The following DLC1 variants were observed in gnomAD, a reference collection of about 807,000 sequenced individuals.
The protein encoded by DLC1 is DLC1 Rho GTPase activating protein, also known as rho GTPase-activating protein 7.
A neutral mutation model predicts 140.3 loss-of-function variants in DLC1; 54 were observed. The observed-to-expected ratio is 0.38, with a 90% CI of 0.31 to 0.48. DLC1 has a LOEUF of 0.48. Ranked by LOEUF, DLC1 falls within the 20% of genes least tolerant of loss-of-function variation. The probability of loss-of-function intolerance (pLI) is 0.96; values close to 1 mark genes in which losing one functional copy is unlikely to be tolerated. For missense variants in DLC1, 2,536 were observed against 1,907.0 expected (o/e 1.33, Z -6.14); for synonymous variants, 986 against 728.1 (o/e 1.35, Z -5.70).
At chr8:13,509,151 A>G (rs1191208181) in intron 1 of DLC1, among the ~76,000 whole-genome samples, 1 of 152,230 alleles carries the variant, frequency 6.6e-6, no homozygotes, top group African/African-American at 2.4e-5. Context: ...CATCATGGTG[A>G]GATGCGGTTT....
chr8:13,131,313 T>C (rs1022551237), intron 5 of DLC1, among the ~76,000 whole-genome samples: 6 of 152,086 alleles, frequency 3.9e-5, no homozygotes, highest in African/African-American at 1.4e-4. Flanking sequence ...ACTATTATTT[T>C]CCCTCATCCC....
At chr8:13,371,155 C>T (rs1835706122) in intron 4 of DLC1, among the ~76,000 whole-genome samples, 1 of 152,076 alleles carries the variant, frequency 6.6e-6, no homozygotes, top group African/African-American at 2.4e-5. Context: ...TGTCTTTACT[C>T]TGTTTATCCA....
intron 7 of DLC1, among the ~76,000 whole-genome samples, chr8:13,107,128 G>A (rs867301571): frequency 3.3e-5 from 5 of 152,334 alleles, no homozygotes; most frequent in Middle Eastern, 3.4e-3. Flanking sequence ...CAGTGTGAAT[G>A]TAAAAATGCT....
chr8:13,125,165 C>T (rs1292104576), intron 5 of DLC1, among the ~76,000 whole-genome samples: 2 of 152,080 alleles, frequency 1.3e-5, no homozygotes, highest in African/African-American at 2.4e-5. Flanking sequence ...TTAGTAGAGA[C>T]GGGGTTTCGC....
intron 5 of DLC1, among the ~76,000 whole-genome samples, chr8:13,181,263 C>G (rs1038171507): frequency 7.2e-5 from 11 of 152,016 alleles, no homozygotes; most frequent in Non-Finnish European, 1.6e-4. Flanking sequence ...TGGCTGCTGC[C>G]TCAGCCTTCA....
chr8:13,405,691 T>A (rs1047459811), intron 2 of DLC1, among the ~76,000 whole-genome samples: 1 of 152,126 alleles, frequency 6.6e-6, no homozygotes, highest in African/African-American at 2.4e-5. Context: ...TGCATCCTGG[T>A]TTTTCTTCCT....
chr8:13,238,571 T>C (rs1361617492), intron 5 of DLC1, among the ~76,000 whole-genome samples: 2 of 86,138 alleles, frequency 2.3e-5, no homozygotes, highest in African/African-American at 4.7e-5. Context: ...CCTGTGGGTG[T>C]GTGCCTTAGG....
chr8:13,557,673 T>G (rs1804095683), intron 1 of DLC1: 1 of 152,408 alleles, frequency 6.6e-6, no homozygotes, highest in Non-Finnish European at 1.5e-5. Flanking sequence ...CTGTTACCCC[T>G]TCACCTTCTG....
chr8:13,189,951 GAGA>G (rs1300003168), intron 5 of DLC1, among the ~76,000 whole-genome samples: 1 of 151,774 alleles, frequency 6.6e-6, no homozygotes, highest in Admixed American at 6.6e-5. Context: ...AGCCAGGTGA[GAGA>G]GAGCCCAGCG....
At chr8:13,574,501 A>G (rs1407335377) in intron 1 of DLC1, among the ~76,000 whole-genome samples, 2 of 152,158 alleles carry the variant, frequency 1.3e-5, no homozygotes, top group Non-Finnish European at 2.9e-5. Flanking sequence ...TAGAAAGCTC[A>G]TCAGATGAGG....
intron 4 of DLC1, among the ~76,000 whole-genome samples, chr8:13,319,731 C>CGGG (rs1265680719): frequency 6.7e-6 from 1 of 150,052 alleles, no homozygotes; most frequent in East Asian, 2.0e-4. Context: ...TACCCAGTAT[C>CGGG]GGGTAGTTCT....
intron 4 of DLC1, among the ~76,000 whole-genome samples, chr8:13,333,543 G>C (rs1729105): frequency 0.86 from 130,255 of 152,136 alleles, 56,176 homozygotes; most frequent in East Asian, 0.95. Context: ...AACGATCATG[G>C]CTGGCAAAAA....
intron 5 of DLC1, among the ~76,000 whole-genome samples, chr8:13,230,247 C>A (rs924864844): frequency 2.0e-5 from 3 of 152,130 alleles, no homozygotes; most frequent in Non-Finnish European, 4.4e-5. Flanking sequence ...TTCATAAATA[C>A]CTTGTTCAAG....
intron 4 of DLC1, among the ~76,000 whole-genome samples, chr8:13,343,110 G>A (rs1431954381): frequency 9.2e-5 from 14 of 152,168 alleles, no homozygotes; most frequent in Non-Finnish European, 2.1e-4. Context: ...TTGTGAAACA[G>A]GCGCACTTGT....
chr8:13,427,962 G>A (rs960548977), intron 2 of DLC1, among the ~76,000 whole-genome samples: 2 of 152,162 alleles, frequency 1.3e-5, no homozygotes, highest in Admixed American at 6.5e-5. Context: ...CATCTGGCCA[G>A]AAATCCAGTT....
intron 2 of DLC1, among the ~76,000 whole-genome samples, chr8:13,459,631 C>T (rs1041106710): frequency 2.6e-5 from 4 of 152,128 alleles, no homozygotes; most frequent in Non-Finnish European, 5.9e-5. Context: ...CCCAGTTCTG[C>T]CACTCCAGCA....
At chr8:13,549,919 G>A (rs1803786816) in intron 1 of DLC1, among the ~76,000 whole-genome samples, 1 of 152,166 alleles carries the variant, frequency 6.6e-6, no homozygotes, top group East Asian at 1.9e-4. Context: ...CAAACTACAC[G>A]TGAATAGGCA....
At chr8:13,259,070 G>C (rs1199620630) in intron 5 of DLC1, among the ~76,000 whole-genome samples, 3 of 150,360 alleles carry the variant, frequency 2.0e-5, no homozygotes, top group Non-Finnish European at 3.0e-5. Flanking sequence ...CCGGGAGGCG[G>C]AGGTTGCAGT....
intron 1 of DLC1, among the ~76,000 whole-genome samples, chr8:13,551,500 A>T (rs1489073556): frequency 6.6e-6 from 1 of 152,020 alleles, no homozygotes; most frequent in Non-Finnish European, 1.5e-5. Context: ...CCTCTTTCAC[A>T]ATAGCATTTT....
Sources: gnomAD v4.1 joint callset for allele counts (sites outside exome capture counted in the v4.1 genomes callset) on GRCh38, gnomAD v4.1.1 for gene constraint, MANE v1.5 for transcripts, NCBI Gene and HGNC (gene_info 2026-07-23, HGNC 2026-07-21) for gene names.